Variants in KHDC1 observed in about 807,000 individuals in gnomAD.
The protein encoded by KHDC1 is KH homology domain-containing protein 1.
In KHDC1, 21 loss-of-function variants were observed where a neutral mutation model predicts 24.7. The ratio of observed to expected loss-of-function variants is 0.85; its 90% CI spans 0.60 to 1.23. KHDC1 has a LOEUF of 1.23. KHDC1 is among the 50% of genes most tolerant of loss of function. The pLI is 0.00. For missense variants in KHDC1, 274 were observed against 298.5 expected (o/e 0.92, Z 0.61); for synonymous variants, 98 against 111.7 (o/e 0.88, Z 0.77).
rs10611256 is a variant in KHDC1 at position 73,263,611 on chromosome 6, T to TGGG, written c.207-21084_207-21082dup. Among the ~76,000 whole-genome samples, 849 of 141,032 alleles carry TGGG rather than the reference T, an allele frequency of 6.0e-3. 9 individuals are homozygous for TGGG. Among genetic ancestry groups the TGGG allele is most frequent in the East Asian group, 0.026 (118 of 4,470 alleles). The allele number at this position is 141,032 out of a possible 152,430, so 92.5% of individuals were successfully genotyped here. A position where few individuals can be genotyped will look rare whatever the true frequency, so the allele number is the denominator to read the frequency against. ...TGTTGCCTGGGGAGGGGTGTCGCGG[T>TGGG]GGGGGGGGGGGTGACCCAGGCCCAC... On this transcript the variant is annotated intron_variant, in intron 2 of 4. Transcript: ENST00000370384.
At chr6:73,295,805 C>T (rs1454613601) in intron 1 of KHDC1, among the ~76,000 whole-genome samples, 2 of 149,492 alleles carry the variant, frequency 1.3e-5, no homozygotes, top group Non-Finnish European at 3.0e-5. Flanking sequence ...GAGATCATGC[C>T]ACTGCACTCC....
At chr6:73,292,576 C>G in intron 1 of KHDC1, 1 of 765,518 alleles carries the variant, frequency 1.3e-6, no homozygotes, top group East Asian at 2.4e-5. Context: ...GTTCTCCACT[C>G]CAGTCTCTTC....
At chr6:73,293,454 A>G (rs531672) in intron 1 of KHDC1, among the ~76,000 whole-genome samples, 143,709 of 152,250 alleles carry the variant, frequency 0.94, 68,378 homozygotes, top group East Asian at 1. Flanking sequence ...TAATCCTTTT[A>G]AGCTAATTAT....
At chr6:73,256,992 T>C (rs906493289) in intron 2 of KHDC1, among the ~76,000 whole-genome samples, 3 of 152,160 alleles carry the variant, frequency 2.0e-5, no homozygotes, top group Admixed American at 6.6e-5. Flanking sequence ...CTGACTAATA[T>C]ATATTAAAAG....
intron 2 of KHDC1, chr6:73,291,983 A>G (rs762722530): frequency 6.2e-7 from 1 of 1,613,522 alleles, no homozygotes. Context: ...CGACTTAACT[A>G]CTCGCATCAC....
chr6:73,246,622 G>A lies in KHDC1; in HGVS notation c.207-4092C>T, dbSNP rs917072676. Among the ~76,000 whole-genome samples, 4 of 152,052 alleles carry A rather than the reference G, an allele frequency of 2.6e-5. No homozygotes were observed. In the East Asian group the frequency reaches 5.8e-4, roughly 22 times the overall value. ...CAAAGACATTTTCTTCTTTGTAATC[G>A]AGGTCTTAACAGTTATATGCCAGTC... is the stretch of plus-strand genomic sequence containing the variant. On this transcript the variant is annotated intron_variant, in intron 2 of 4. Transcript: ENST00000370384.
intron 2 of KHDC1, chr6:73,291,817 A>G: frequency 3.1e-6 from 2 of 638,818 alleles, no homozygotes; most frequent in Non-Finnish European, 5.5e-6. Context: ...ATTGGATACA[A>G]TGTTTAATAT....
At chr6:73,263,282 C>T in intron 2 of KHDC1, 86 bp from the exon 1 acceptor site, 3 of 985,670 alleles carry the variant, frequency 3.0e-6, no homozygotes, top group Non-Finnish European at 3.6e-6. Context: ...AGGAGACAGC[C>T]TGCGGAGCCC....
At chr6:73,245,356 T>G (rs1450379670) in intron 2 of KHDC1, among the ~76,000 whole-genome samples, 1 of 152,240 alleles carries the variant, frequency 6.6e-6, no homozygotes, top group African/African-American at 2.4e-5. Flanking sequence ...TCCAAAAGAC[T>G]AAATCTTCAG....
At chr6:73,278,009 G>GTT (rs70994182) in intron 2 of KHDC1, among the ~76,000 whole-genome samples, 193 of 106,328 alleles carry the variant, frequency 1.8e-3, no homozygotes, top group African/African-American at 2.2e-3. Flanking sequence ...TCTCTCGGGT[G>GTT]TTTTTTTTTT....
intron 2 of KHDC1, among the ~76,000 whole-genome samples, chr6:73,278,840 C>T (rs559585996): frequency 6.6e-6 from 1 of 152,230 alleles, no homozygotes; most frequent in South Asian, 2.1e-4. Flanking sequence ...ACCATATCCC[C>T]CAAGGATAAG....
At chr6:73,288,787 A>G (rs2984126) in intron 2 of KHDC1, among the ~76,000 whole-genome samples, 11,170 of 131,950 alleles carry the variant, frequency 0.085, 495 homozygotes, top group East Asian at 0.14. Flanking sequence ...AACATAGTAT[A>G]GTAAGACCCC....
intron 2 of KHDC1, among the ~76,000 whole-genome samples, chr6:73,272,517 C>T (rs926500755): frequency 2.6e-5 from 4 of 151,972 alleles, no homozygotes; most frequent in African/African-American, 4.8e-5. Flanking sequence ...GGCTCACACC[C>T]GTAATCCCAG....
chr6:73,261,273 T>C (rs1051357299), intron 2 of KHDC1, among the ~76,000 whole-genome samples: 1 of 151,674 alleles, frequency 6.6e-6, no homozygotes, highest in Non-Finnish European at 1.5e-5. Flanking sequence ...TGAAACCCCG[T>C]CTTTACTAAA....
intron 1 of KHDC1, chr6:73,292,923 G>A (rs1767683117): frequency 1.2e-6 from 1 of 828,400 alleles, no homozygotes; most frequent in Non-Finnish European, 2.0e-6. Context: ...TTGGTGGCTT[G>A]TCTTAAGGAT....
intron 1 of KHDC1, among the ~76,000 whole-genome samples, chr6:73,304,111 G>A (rs545285328): frequency 2.6e-5 from 4 of 152,034 alleles, no homozygotes; most frequent in East Asian, 3.9e-4. Context: ...CCCAGGAGGC[G>A]GAGGTTGCAG....
At chr6:73,304,308 A>G (rs947147553) in intron 1 of KHDC1, among the ~76,000 whole-genome samples, 1 of 152,268 alleles carries the variant, frequency 6.6e-6, no homozygotes, top group African/African-American at 2.4e-5. Flanking sequence ...CAAAATTAAA[A>G]ATGAAAAAAG....
chr6:73,308,911 A>C (rs1253975438), intron 1 of KHDC1, among the ~76,000 whole-genome samples: 3 of 152,104 alleles, frequency 2.0e-5, no homozygotes, highest in Admixed American at 6.5e-5. Context: ...GGCTCACTCC[A>C]ACCTCCTTCT....
At chr6:73,263,121 T>A in intron 2 of KHDC1, 1 of 996,408 alleles carries the variant, frequency 1.0e-6, no homozygotes, top group Non-Finnish European at 1.2e-6. Context: ...CAGCGGTACC[T>A]CCTGGGCCGC....
Sources: gnomAD v4.1 joint callset for allele counts (sites outside exome capture counted in the v4.1 genomes callset) on GRCh38, gnomAD v4.1.1 for gene constraint, MANE v1.5 for transcripts, NCBI Gene and HGNC (gene_info 2026-07-23, HGNC 2026-07-21) for gene names.